Variants in DNAI3 observed in about 807,000 individuals in gnomAD.
DNAI3 encodes the protein dynein axonemal intermediate chain 3, also known as WD repeat domain 63.
A neutral mutation model predicts 115.5 loss-of-function variants in DNAI3; 83 were observed. The observed-to-expected ratio is 0.72, with a 90% CI of 0.60 to 0.86. The LOEUF is 0.86. Among genes scored for constraint, DNAI3 ranks in the 40% least tolerant of loss-of-function variants. DNAI3 has a pLI of 0.00. For synonymous variants in DNAI3, 320 were observed against 347.0 expected (o/e 0.92, Z 0.86); for missense variants, 1,004 against 1,075.8 (o/e 0.93, Z 0.93).
intron 17 of DNAI3, among the ~76,000 whole-genome samples, chr1:85,119,392 G>A (rs1029115576): frequency 6.6e-6 from 1 of 152,190 alleles, no homozygotes; most frequent in African/African-American, 2.4e-5. Context: ...ATCTACGAAT[G>A]TGACTATTCT....
intron 2 of DNAI3, 80 bp from the exon 3 acceptor site, chr1:85,072,974 A>AAAT: frequency 1.1e-6 from 1 of 879,290 alleles, no homozygotes; most frequent in Non-Finnish European, 1.7e-6. Flanking sequence ...AAAAAAAAAA[A>AAAT]GAAGAAATAA....
chr1:85,088,568 A>T (rs1654864775), intron 7 of DNAI3, among the ~76,000 whole-genome samples: 1 of 152,198 alleles, frequency 6.6e-6, no homozygotes, highest in Non-Finnish European at 1.5e-5. Context: ...TTCCCACCAC[A>T]TACCAGGCAT....
chr1:85,094,539 A>G lies in DNAI3; in HGVS notation c.1157A>G (p.Asp386Gly). The G allele has an allele frequency of 6.2e-7, 1 of 1,614,068 alleles. No homozygotes were observed. The highest frequency in any genetic ancestry group is 8.5e-7 in the Non-Finnish European group (1 of 1,180,004). ...PSLILFWSFS[D>G]PIHPQLMLES... ...CTGATTCTTTTCTGGAGCTTCTCTG[A>G]TCCTATACATCCTCAGGTAATTAGG... is the stretch of plus-strand genomic sequence containing the variant. Residue 386 changes from aspartate to glycine, a missense_variant, in exon 10 of 23, where the codon GAT becomes GGT. By Grantham distance (94) the Asp-to-Gly change is moderately conservative (BLOSUM62 -1). Coordinates refer to ENST00000294664, the MANE Select transcript of DNAI3 (RefSeq NM_145172.5).
At chr1:85,068,677 G>C (rs1465543828) in intron 1 of DNAI3, among the ~76,000 whole-genome samples, 1 of 152,090 alleles carries the variant, frequency 6.6e-6, no homozygotes, top group Non-Finnish European at 1.5e-5. Context: ...CCTAATACAC[G>C]ACCTAGCCCC....
rs536703066 is a variant in DNAI3, at chr1:85,113,400, T to C, written c.1786+3265T>C. The stretch of plus-strand genomic sequence containing the variant: ...TTTGAGTTAATTTTTGTAATTGGTA[T>C]ATGTTATGGATCAAAGTTCATTTTT... On this transcript the variant is annotated intron_variant, in intron 16 of 22. Coordinates refer to ENST00000294664, the MANE Select transcript of DNAI3 (RefSeq NM_145172.5). Among the ~76,000 whole-genome samples, 7 of 152,352 alleles carry C rather than the reference T, an allele frequency of 4.6e-5. No individual in the cohort carries two copies. In the East Asian group the frequency reaches 1.3e-3, roughly 29 times the overall value.
intron 8 of DNAI3, among the ~76,000 whole-genome samples, chr1:85,091,137 C>T (rs566024324): frequency 4.5e-4 from 69 of 152,132 alleles, no homozygotes; most frequent in Admixed American, 2.0e-3. Flanking sequence ...TTTTGCTATA[C>T]GGGCAATGAG....
chr1:85,065,954 G>A (rs914617914), intron 1 of DNAI3, among the ~76,000 whole-genome samples: 2 of 152,166 alleles, frequency 1.3e-5, no homozygotes, highest in African/African-American at 4.8e-5. Flanking sequence ...AGGGTTCCTC[G>A]TAATCAAGTG....
At chr1:85,091,325 C>G (rs1197033669) in intron 8 of DNAI3, among the ~76,000 whole-genome samples, 2 of 152,154 alleles carry the variant, frequency 1.3e-5, no homozygotes, top group Non-Finnish European at 2.9e-5. Context: ...TGTATATTAT[C>G]TTTAGACCTG....
At chr1:85,090,882 AC>A (rs981638782) in intron 8 of DNAI3, among the ~76,000 whole-genome samples, 1 of 152,202 alleles carries the variant, frequency 6.6e-6, no homozygotes, top group African/African-American at 2.4e-5. Context: ...TGCCAGTTAT[AC>A]TCAATAGGCT....
chr1:85,133,070 C>T lies in DNAI3; in HGVS notation c.*72C>T. The T allele has an allele frequency of 2.0e-6, 3 of 1,491,128 alleles. No homozygotes were observed. The highest frequency in any genetic ancestry group is 4.6e-5 in the East Asian group (2 of 43,948). 92.4% of individuals were successfully genotyped at this position (1,491,128 alleles called of 1,614,324 possible). A position where few individuals can be genotyped will look rare whatever the true frequency, so the allele number is the denominator to read the frequency against. Reference sequence around the variant, plus strand: ...TTTTTATGTCAGGTGAACTGGCATGCTGAACATATATATATATAGGCTCAT... The same window carrying T: ...TTTTTATGTCAGGTGAACTGGCATGTTGAACATATATATATATAGGCTCAT... On this transcript the variant is annotated 3_prime_UTR_variant, in exon 23 of 23. Transcript: ENST00000294664.
At chr1:85,116,107 C>G (rs1292119034) in intron 16 of DNAI3, among the ~76,000 whole-genome samples, 1 of 152,158 alleles carries the variant, frequency 6.6e-6, no homozygotes. Flanking sequence ...ATGAATGTAC[C>G]TTGAACTTTA....
intron 3 of DNAI3, among the ~76,000 whole-genome samples, chr1:85,076,180 T>G (rs956727508): frequency 1.3e-5 from 2 of 152,136 alleles, no homozygotes; most frequent in African/African-American, 4.8e-5. Context: ...GACCTCTGTT[T>G]CCCTTGTCAC....
intron 3 of DNAI3, among the ~76,000 whole-genome samples, chr1:85,080,854 A>G (rs561914481): frequency 9.8e-5 from 15 of 152,374 alleles, no homozygotes; most frequent in African/African-American, 3.1e-4. Flanking sequence ...ATAGAATTCA[A>G]TTCATCTAAA....
At chr1:85,115,830 G>A (rs1278516257) in intron 16 of DNAI3, among the ~76,000 whole-genome samples, 4 of 152,126 alleles carry the variant, frequency 2.6e-5, no homozygotes, top group Non-Finnish European at 5.9e-5. Flanking sequence ...TGTCTGACAG[G>A]ACATACTGCT....
intron 8 of DNAI3, among the ~76,000 whole-genome samples, chr1:85,092,208 G>A (rs931718251): frequency 6.6e-6 from 1 of 152,136 alleles, no homozygotes; most frequent in African/African-American, 2.4e-5. Flanking sequence ...ACTTTAAGTG[G>A]CCAGGTCTTA....
intron 11 of DNAI3, among the ~76,000 whole-genome samples, chr1:85,097,356 CA>C (rs1655154657): frequency 6.6e-6 from 1 of 152,004 alleles, no homozygotes; most frequent in South Asian, 2.1e-4. Flanking sequence ...AATGTAAGCA[CA>C]AAAATGAAAG....
chr1:85,074,152 C>T (rs1654375739), intron 3 of DNAI3, among the ~76,000 whole-genome samples: 1 of 152,178 alleles, frequency 6.6e-6, no homozygotes, highest in Non-Finnish European at 1.5e-5. Context: ...TCAAACCCAT[C>T]TGCTTCATAT....
intron 20 of DNAI3, 78 bp downstream of exon 20, chr1:85,126,793 C>T (rs1571203496): frequency 6.6e-7 from 1 of 1,511,776 alleles, no homozygotes; most frequent in East Asian, 2.3e-5. Context: ...GAAAAGCCTC[C>T]AATGTTTATT....
intron 7 of DNAI3, among the ~76,000 whole-genome samples, chr1:85,089,176 A>G (rs1654888432): frequency 6.6e-6 from 1 of 152,036 alleles, no homozygotes; most frequent in Non-Finnish European, 1.5e-5. Context: ...CAACACATTC[A>G]ATCCTTACAA....
Sources: allele counts gnomAD v4.1 joint callset (sites outside exome capture counted in the v4.1 genomes callset), GRCh38; gene constraint gnomAD v4.1.1; transcripts MANE v1.5; gene names NCBI Gene and HGNC (gene_info 2026-07-23, HGNC 2026-07-21).